Variants in ACSM3 observed in about 807,000 individuals in gnomAD.
ACSM3 encodes the protein acyl-coenzyme A synthetase ACSM3, mitochondrial.
In ACSM3, 61 loss-of-function variants were observed where a neutral mutation model predicts 74.1. That is an observed-to-expected ratio of 0.82 (90% CI 0.67 to 1.02). The LOEUF (loss-of-function observed/expected upper bound fraction) is 1.02. ACSM3 is among the 50% of genes least tolerant of loss of function. The pLI is 0.00. For missense variants in ACSM3, 660 were observed against 697.0 expected, an observed-to-expected ratio of 0.95 and a Z score of 0.60; for synonymous variants, 213 against 241.5, an observed-to-expected ratio of 0.88 and a Z score of 1.09.
chr16:20,691,783 GT>G (rs1408028711), intron 1 of ACSM3, among the ~76,000 whole-genome samples: 2 of 150,972 alleles, frequency 1.3e-5, no homozygotes, highest in Admixed American at 6.6e-5. Context: ...GTGTGTGTGT[GT>G]GTGTGTGTGT....
chr16:20,731,150 G>A (rs1449684182), intron 1 of ACSM3, among the ~76,000 whole-genome samples: 1 of 152,170 alleles, frequency 6.6e-6, no homozygotes, highest in Non-Finnish European at 1.5e-5. Context: ...ATAGGTGTAA[G>A]CCACTACACT....
chr16:20,711,477 T>TAG, intron 1 of ACSM3: 5 of 1,295,034 alleles, frequency 3.9e-6, no homozygotes, highest in Non-Finnish European at 5.3e-6. Context: ...TCCCAGGGAT[T>TAG]GTCTTCATGC....
chr16:20,704,519 A>G (rs2079721656), intron 1 of ACSM3, among the ~76,000 whole-genome samples: 1 of 152,212 alleles, frequency 6.6e-6, no homozygotes. Flanking sequence ...TGATTTCTAG[A>G]GTCAACATGT....
intron 1 of ACSM3, chr16:20,682,004 C>G (rs1184985796): frequency 2.6e-6 from 1 of 386,172 alleles, no homozygotes; most frequent in African/African-American, 2.0e-5. Context: ...CATGTCTCAA[C>G]TGAATAACTG....
intron 3 of ACSM3, among the ~76,000 whole-genome samples, chr16:20,756,321 C>T (rs979262586): frequency 6.6e-6 from 1 of 152,038 alleles, no homozygotes; most frequent in African/African-American, 2.4e-5. Context: ...TTAATGATTG[C>T]CATTCTAACT....
chr16:20,794,818 C>T (rs184691248), intron 12 of ACSM3, among the ~76,000 whole-genome samples: 104 of 152,350 alleles, frequency 6.8e-4, no homozygotes, highest in Non-Finnish European at 1.2e-3. Context: ...ACACAACAAA[C>T]TGTGACTTGA....
chr16:20,692,334 T>C (rs1473890431), intron 1 of ACSM3, among the ~76,000 whole-genome samples: 1 of 152,152 alleles, frequency 6.6e-6, no homozygotes, highest in Non-Finnish European at 1.5e-5. Flanking sequence ...TTAAGAACTG[T>C]GTTGGCTTGG....
At chr16:20,787,684 CACTT>C (rs1472409054) in intron 9 of ACSM3, among the ~76,000 whole-genome samples, 1 of 152,216 alleles carries the variant, frequency 6.6e-6, no homozygotes, top group Non-Finnish European at 1.5e-5. Flanking sequence ...TCCTTTCTCT[CACTT>C]TAACCTTGCT....
chr16:20,737,978 A>C, intron 1 of ACSM3: 1 of 1,566,286 alleles, frequency 6.4e-7, no homozygotes, highest in South Asian at 1.2e-5. Context: ...AAAAAAGTTA[A>C]GAAGATAATT....
Position 20,777,496 on chromosome 16 carries a change from C to T in ACSM3, c.554C>T (p.Ala185Val), listed in dbSNP as rs769201801. ...TTAGCCCCAGCAGTAGACGCTGTTG[C>T]ATCCAAATGTGAAAATCTGCACTCC... is the stretch of plus-strand genomic sequence containing the variant. Reference protein sequence around the residue: ...DVLAPAVDAVASKCENLHSKL... With the variant: ...DVLAPAVDAVVSKCENLHSKL... Residue 185 changes from alanine to valine, a missense_variant, in exon 4 of 14, where the codon GCA becomes GTA. Ala to Val is a moderately conservative substitution (Grantham distance 64). Coordinates refer to ENST00000289416, the MANE Select transcript of ACSM3 (RefSeq NM_005622.4). The T allele has an allele frequency of 2.5e-6, 4 of 1,614,044 alleles. No homozygotes were observed. In the South Asian group the frequency reaches 4.4e-5, roughly 18 times the overall value.
chr16:20,693,164 C>T (rs1050010652), intron 1 of ACSM3, among the ~76,000 whole-genome samples: 2 of 146,742 alleles, frequency 1.4e-5, no homozygotes, highest in African/African-American at 2.5e-5. Context: ...AGCAAAATTC[C>T]GTCTCAAAAA....
At chr16:20,741,971 A>C (rs2079931466) in intron 1 of ACSM3, 1 of 1,526,838 alleles carries the variant, frequency 6.5e-7, no homozygotes, top group Non-Finnish European at 8.8e-7. Context: ...TGCAACCTGA[A>C]TCCAGTAGAG....
chr16:20,693,426 C>A (rs561998317), intron 1 of ACSM3, among the ~76,000 whole-genome samples: 2 of 152,292 alleles, frequency 1.3e-5, no homozygotes, highest in Admixed American at 6.5e-5. Context: ...TAAGCTGGAT[C>A]CTTTCTTTCC....
chr16:20,742,000 T>C (rs1239725173), intron 1 of ACSM3: 1 of 1,496,080 alleles, frequency 6.7e-7, no homozygotes, highest in East Asian at 2.6e-5. Flanking sequence ...GCAGCCATTC[T>C]GGAAGTGGTG....
intron 1 of ACSM3, chr16:20,698,830 G>A (rs1433957856): frequency 6.6e-6 from 1 of 152,120 alleles, no homozygotes; most frequent in African/African-American, 2.4e-5. Context: ...TGTAAAATAG[G>A]AATGATAACA....
chr16:20,748,998 C>T (rs1441655226), intron 1 of ACSM3, among the ~76,000 whole-genome samples: 1 of 151,932 alleles, frequency 6.6e-6, no homozygotes, highest in Non-Finnish European at 1.5e-5. Flanking sequence ...GTTCAATGAG[C>T]CATAATCGCA....
rs2080744256 is a variant in ACSM3 at position 20,797,550 on chromosome 16, T to C, written c.*578T>C. On this transcript the variant is annotated 3_prime_UTR_variant, in exon 14 of 14. Transcript: ENST00000289416. ...GATCATATACTATTGTTGCTTATTA[T>C]ATGTAATCTAATAAATACTGTTTAC... 1 of 1,232,780 alleles carries C rather than the reference T, an allele frequency of 8.1e-7. No homozygotes were observed. Among genetic ancestry groups the C allele is most frequent in the African/African-American group, 1.6e-5 (1 of 63,948 alleles). 76.4% of individuals were successfully genotyped at this position (1,232,780 alleles called of 1,614,324 possible). A position where few individuals can be genotyped will look rare whatever the true frequency, so the allele number is the denominator to read the frequency against.
intron 1 of ACSM3, chr16:20,729,465 G>C: frequency 1.4e-6 from 1 of 697,058 alleles, no homozygotes; most frequent in Admixed American, 2.1e-5. Context: ...TACCGTATTG[G>C]GCCATTTGAA....
At chr16:20,683,715 C>CTTTCTT (rs139237980) in intron 1 of ACSM3, among the ~76,000 whole-genome samples, 126 of 136,358 alleles carry the variant, frequency 9.2e-4, no homozygotes, top group African/African-American at 1.2e-3. Flanking sequence ...CTCTCTCTCT[C>CTTTCTT]TCTTTCTTTC....
Sources: allele counts gnomAD v4.1 joint callset (sites outside exome capture counted in the v4.1 genomes callset), GRCh38; gene constraint gnomAD v4.1.1; transcripts MANE v1.5; gene names NCBI Gene and HGNC (gene_info 2026-07-23, HGNC 2026-07-21).